Variants in MGAM observed in about 807,000 individuals in gnomAD.
MGAM encodes alpha-1,4-glucosidase.
A neutral mutation model predicts 358.8 loss-of-function variants in MGAM; 253 were observed. The ratio of observed to expected loss-of-function variants is 0.71; its 90% CI spans 0.64 to 0.78. The LOEUF (loss-of-function observed/expected upper bound fraction) is 0.78. Ranked by LOEUF, MGAM falls within the 30% of genes least tolerant of loss-of-function variation. The probability of loss-of-function intolerance (pLI) is 0.00; values close to 1 mark genes in which losing one functional copy is unlikely to be tolerated. For missense variants in MGAM, 3,080 were observed against 3,432.6 expected, an observed-to-expected ratio of 0.90 and a Z score of 2.57; for synonymous variants, 1,105 against 1,227.1, an observed-to-expected ratio of 0.90 and a Z score of 2.08.
At chr7:142,100,379 T>G (rs994290683) in intron 67 of MGAM, among the ~76,000 whole-genome samples, 6 of 152,212 alleles carry the variant, frequency 3.9e-5, no homozygotes, top group Non-Finnish European at 8.8e-5. Flanking sequence ...GTATCAATAC[T>G]AACATTCTTA....
rs1554465132 is a variant in MGAM at position 142,034,696 on chromosome 7, A to G, written c.1814A>G (p.Lys605Arg). The change falls in exon 16 of 71, where the codon AAG becomes AGG. Residue 605 changes from lysine to arginine, a missense_variant. Transcript: ENST00000475668. Reference sequence around the variant, plus strand: ...GCTGCCAAGACTGTGTTCCCTAATAAGAGAAGCTTCATTCTGACCCGTTCT... The same window carrying G: ...GCTGCCAAGACTGTGTTCCCTAATAGGAGAAGCTTCATTCTGACCCGTTCT... ...AEAAKTVFPN[K>R]RSFILTRSTF... 6.2e-7 allele frequency: 1 copy of G among 1,613,490 alleles called. No homozygotes were observed.
intron 17 of MGAM, among the ~76,000 whole-genome samples, chr7:142,036,555 G>C (rs1316702629): frequency 6.6e-6 from 1 of 152,136 alleles, no homozygotes; most frequent in Admixed American, 6.5e-5. Context: ...TACATTGTTT[G>C]CTTTTAAATA....
At chr7:142,001,037 G>C (rs1804691411) in intron 1 of MGAM, among the ~76,000 whole-genome samples, 1 of 152,146 alleles carries the variant, frequency 6.6e-6, no homozygotes, top group Admixed American at 6.5e-5. Flanking sequence ...GTGAACATAA[G>C]ATTACTCTTT....
intron 3 of MGAM, among the ~76,000 whole-genome samples, chr7:142,013,609 T>G (rs1805765641): frequency 6.6e-6 from 1 of 152,198 alleles, no homozygotes; most frequent in African/African-American, 2.4e-5. Flanking sequence ...AGTTGATAAT[T>G]GATTTCACCT....
Position 142,087,221 on chromosome 7 carries a change from C to G in MGAM, c.6810+504C>G, listed in dbSNP as rs1814838181. 1.4e-5 allele frequency among the ~76,000 whole-genome samples: 2 copies of G among 144,990 alleles called. 1 individual carries two copies. ...ACACTTATAATTCCTCCTCTGAGCC[C>G]AATCCTTCCTTGGGTTTCTCAACTT... On this transcript the variant is annotated intron_variant, in intron 57 of 70. Coordinates refer to ENST00000475668, the MANE Select transcript of MGAM (RefSeq NM_001365693.1).
At chr7:142,014,395 G>A (rs1459381704) in intron 3 of MGAM, among the ~76,000 whole-genome samples, 1 of 151,882 alleles carries the variant, frequency 6.6e-6, no homozygotes, top group African/African-American at 2.4e-5. Context: ...TAAAAGATAG[G>A]GAGTTGAGAA....
chr7:142,004,571 T>C (rs1804999823), intron 1 of MGAM: 1 of 152,056 alleles, frequency 6.6e-6, no homozygotes. Context: ...AAATACTACC[T>C]ATTGGGTACA....
chr7:142,103,680 G>A (rs1449041617), intron 70 of MGAM, among the ~76,000 whole-genome samples: 1 of 152,086 alleles, frequency 6.6e-6, no homozygotes. Flanking sequence ...GCAAACCTAT[G>A]TAAAACTTTG....
At position 142,092,533 on chromosome 7, in the gene MGAM, C is replaced by T; in HGVS notation, c.6958C>T (p.Pro2320Ser). Residue 2320 changes from proline to serine, a missense_variant, in exon 59 of 71, where the codon CCA (proline) becomes TCA (serine). Physicochemically the swap from Pro to Ser is moderately conservative, Grantham distance 74. Around this residue, in one of 5 missense-constraint regions of MGAM, gnomAD observed 932 missense variants for 1,198.2 expected, o/e 0.78. Transcript: ENST00000475668. ...TTGGCATTTCTAGGATATGAATGAA[C>T]CATCAAGCTTCGTGAATGGGGCAGT... ...FDGMWIDMNE[P>S]SSFVNGAVSP... is the part of the protein sequence containing the mutation. 6.5e-7 allele frequency: 1 copy of T among 1,548,204 alleles called. No homozygotes were observed. The highest frequency in any genetic ancestry group is 8.9e-7 in the Non-Finnish European group (1 of 1,128,560).
At chr7:142,060,590 T>C (rs572984549) in intron 34 of MGAM, among the ~76,000 whole-genome samples, 1 of 152,266 alleles carries the variant, frequency 6.6e-6, no homozygotes, top group African/African-American at 2.4e-5. Context: ...ATCCTTGGAA[T>C]TTAAGACCAG....
In MGAM at chr7:142,103,339, T is replaced by C. The variant is rs763414236; in HGVS notation, c.8084T>C (p.Ile2695Thr). The C allele has an allele frequency of 4.3e-6, 7 of 1,613,160 alleles. No individual in the cohort carries two copies. Among genetic ancestry groups the C allele is most frequent in the South Asian group, 3.3e-5 (3 of 90,884 alleles). The change falls in exon 70 of 71, where the codon ATT becomes ACT. Residue 2695 changes from isoleucine (I) to threonine (T), a missense_variant. Transcript: ENST00000475668. ...TGTNPLKLGY[I>T]EIWGVGSVPV... Reference sequence around the variant, plus strand: ...ACAAATCCTTTGAAACTGGGCTACATTGAAATCTGGGGAGTGGGCAGTGTC... The same window carrying C: ...ACAAATCCTTTGAAACTGGGCTACACTGAAATCTGGGGAGTGGGCAGTGTC...
Position 142,095,535 on chromosome 7 carries a change from G to A in MGAM, c.7459-30G>A, listed in dbSNP as rs750894745. On this transcript the variant is annotated intron_variant, in intron 63 of 70. Transcript: ENST00000475668. ...AAATCCCCTAGAAATTCCAGGGCAA[G>A]CTCCCAACACTGTTCTCTTTCTCCT... The A allele has an allele frequency of 1.9e-6, 3 of 1,611,572 alleles. No homozygotes were observed. The African/African-American group carries it at 4.0e-5, about 22-fold the overall frequency.
chr7:142,019,244 G>C lies in MGAM; in HGVS notation c.373G>C (p.Val125Leu), dbSNP rs782272356. 1 of 1,613,498 alleles carries C rather than the reference G, an allele frequency of 6.2e-7. No individual in the cohort carries two copies. The highest frequency in any genetic ancestry group is 1.3e-5 in the African/African-American group (1 of 74,924). Residue 125 changes from valine to leucine, a missense_variant, in exon 4 of 71, where the codon GTA (valine) becomes CTA (leucine). Coordinates refer to ENST00000475668, the MANE Select transcript of MGAM (RefSeq NM_001365693.1). The stretch of plus-strand genomic sequence containing the variant: ...CTGTTGCTGGAATCCCCAGGGAGCT[G>C]TAAGTGTTCCCTGGTGCTACTATTC... ...RGCCWNPQGA[V>L]SVPWCYYSKN...
chr7:142,055,807 C>G lies in MGAM; in HGVS notation c.3483+81C>G. ...AGGCTTTGGGCTTCATCTTCCCAAA[C>G]TCCACTTGGTCATCACATTCTGCTT... is the stretch of plus-strand genomic sequence containing the variant. On this transcript the variant is annotated intron_variant, in intron 28 of 70. Coordinates refer to ENST00000475668, the MANE Select transcript of MGAM (RefSeq NM_001365693.1). 3.8e-6 allele frequency: 6 copies of G among 1,585,388 alleles called. No homozygotes were observed. The Middle Eastern group carries it at 5.3e-4, about 141-fold the overall frequency.
At chr7:142,094,913 A>G (rs1815756725) in intron 63 of MGAM, 50 bp downstream of exon 63, 2 of 1,575,858 alleles carry the variant, frequency 1.3e-6, no homozygotes, top group South Asian at 1.1e-5. Context: ...CACAGCCTCC[A>G]TTTCTGACCT....
At chr7:142,060,918 G>C (rs112093049) in intron 34 of MGAM, among the ~76,000 whole-genome samples, 13 of 152,138 alleles carry the variant, frequency 8.5e-5, no homozygotes, top group South Asian at 2.1e-4. Flanking sequence ...GCTTTTACCT[G>C]TCAGTTTCCA....
chr7:142,034,560 G>T, intron 15 of MGAM, 110 bp from the exon 16 acceptor site: 1 of 1,060,052 alleles, frequency 9.4e-7, no homozygotes. Context: ...AAAGAGAGTT[G>T]GAAGAGAATG....
chr7:142,028,387 A>T (rs1451803609), intron 10 of MGAM, among the ~76,000 whole-genome samples: 2 of 152,178 alleles, frequency 1.3e-5, no homozygotes, highest in Non-Finnish European at 2.9e-5. Context: ...CCATGAATTT[A>T]GTTCAAACTA....
chr7:142,051,010 T>C, intron 24 of MGAM, 146 bp downstream of exon 24: 2 of 986,862 alleles, frequency 2.0e-6, no homozygotes, highest in Non-Finnish European at 3.1e-6. Flanking sequence ...GGGAAAAAAA[T>C]GAGGTGGCCA....
Sources: gnomAD v4.1 joint callset for allele counts (sites outside exome capture counted in the v4.1 genomes callset) on GRCh38, gnomAD v4.1.1 for gene constraint, gnomAD v4.1.1 regional missense constraint, MANE v1.5 for transcripts, NCBI Gene and HGNC (gene_info 2026-07-23, HGNC 2026-07-21) for gene names.